Variants in MAPK10 observed in about 807,000 individuals in gnomAD.
MAPK10 encodes mitogen-activated protein kinase 10.
A neutral mutation model predicts 59.3 loss-of-function variants in MAPK10; 25 were observed. The observed-to-expected ratio is 0.42, with a 90% CI of 0.31 to 0.59. The LOEUF (loss-of-function observed/expected upper bound fraction) is 0.59. Among genes scored for constraint, MAPK10 ranks in the 20% least tolerant of loss-of-function variants. The pLI is 0.15. For missense variants in MAPK10, 351 were observed against 568.9 expected, an observed-to-expected ratio of 0.62 and a Z score of 3.90; for synonymous variants, 190 against 200.5, an observed-to-expected ratio of 0.95 and a Z score of 0.44.
At chr4:86,575,175 A>G (rs1304322523) in intron 1 of MAPK10, among the ~76,000 whole-genome samples, 6 of 152,158 alleles carry the variant, frequency 3.9e-5, no homozygotes, top group Non-Finnish European at 8.8e-5. Context: ...CCCTTAGACT[A>G]AGATTCGCAC....
intron 11 of MAPK10, among the ~76,000 whole-genome samples, chr4:86,058,903 C>G (rs188781695): frequency 6.6e-6 from 1 of 152,136 alleles, no homozygotes; most frequent in Non-Finnish European, 1.5e-5. Flanking sequence ...TTCTTCTGAT[C>G]CCATCTAGCT....
intron 1 of MAPK10, among the ~76,000 whole-genome samples, chr4:86,566,523 G>A (rs1761068649): frequency 6.6e-6 from 1 of 152,104 alleles, no homozygotes; most frequent in Non-Finnish European, 1.5e-5. Context: ...AGACCAGCCT[G>A]GCCAACATGG....
In MAPK10 at chr4:86,248,577, G is replaced by T. The variant is rs374322743; in HGVS notation, c.-6-54170C>A. Among the ~76,000 whole-genome samples the T allele has an allele frequency of 2.3e-4, 35 of 152,246 alleles. No individual in the cohort carries two copies. The Middle Eastern group carries it at 0.01, about 44-fold the overall frequency. ...TCTCAAATGGCTACAGCCAGAAAAG[G>T]TTTTTTATGATACCACAAGGAAGTT... On this transcript the variant is annotated intron_variant, in intron 2 of 13. Coordinates refer to ENST00000641462, the MANE Select transcript of MAPK10 (RefSeq NM_138982.4).
At chr4:86,496,260 G>C (rs1486451958) in intron 1 of MAPK10, among the ~76,000 whole-genome samples, 1 of 152,068 alleles carries the variant, frequency 6.6e-6, no homozygotes, top group Non-Finnish European at 1.5e-5. Context: ...TTTGTGCCCC[G>C]GGTTTTGGTT....
At chr4:86,249,299 T>G (rs1397574106) in intron 2 of MAPK10, among the ~76,000 whole-genome samples, 1 of 152,198 alleles carries the variant, frequency 6.6e-6, no homozygotes, top group African/African-American at 2.4e-5. Context: ...GTTTAGTGGC[T>G]CAGTTATGTA....
chr4:86,583,500 T>C (rs906154390), intron 1 of MAPK10, among the ~76,000 whole-genome samples: 1 of 152,178 alleles, frequency 6.6e-6, no homozygotes, highest in Non-Finnish European at 1.5e-5. Flanking sequence ...TCAGTTTTTC[T>C]ACATTAAAAA....
chr4:86,426,295 T>C (rs1212929427), intron 1 of MAPK10, among the ~76,000 whole-genome samples: 1 of 152,226 alleles, frequency 6.6e-6, no homozygotes, highest in African/African-American at 2.4e-5. Flanking sequence ...CCACTATGGA[T>C]TGGATGCTTA....
chr4:86,487,387 A>T (rs1459147668), intron 1 of MAPK10, among the ~76,000 whole-genome samples: 1 of 78,560 alleles, frequency 1.3e-5, no homozygotes, highest in Non-Finnish European at 3.1e-5. Flanking sequence ...GTGTGTGTAG[A>T]GAGAGAAAGA....
chr4:86,217,151 A>C (rs1260993210), intron 2 of MAPK10, among the ~76,000 whole-genome samples: 1 of 152,154 alleles, frequency 6.6e-6, no homozygotes, highest in Non-Finnish European at 1.5e-5. Context: ...TCTCACCAAA[A>C]TTTGGCCAGC....
rs1373351518 is a variant in MAPK10 at position 86,252,225 on chromosome 4, T to C, written c.-6-57818A>G. ...GCTTTGGTTGCCATTGCTTTTGGTGTTTTGGACATGAAGTCCTTGCCCACG... is the reference window on the plus strand; with the variant it reads ...GCTTTGGTTGCCATTGCTTTTGGTGCTTTGGACATGAAGTCCTTGCCCACG... On this transcript the variant is annotated intron_variant, in intron 2 of 13. Coordinates refer to ENST00000641462, the MANE Select transcript of MAPK10 (RefSeq NM_138982.4). Among the ~76,000 whole-genome samples the C allele has an allele frequency of 2.4e-5, 3 of 126,844 alleles. No individual in the cohort carries two copies. In the South Asian group the frequency reaches 6.9e-4, roughly 29 times the overall value. The allele number at this position is 126,844 out of a possible 152,430, so 83.2% of individuals were successfully genotyped here.
intron 2 of MAPK10, among the ~76,000 whole-genome samples, chr4:86,329,798 C>T (rs1435057220): frequency 2.0e-5 from 3 of 151,928 alleles, no homozygotes; most frequent in Non-Finnish European, 4.4e-5. Context: ...GTCAATATAG[C>T]ACTTTTTGGG....
intron 9 of MAPK10, among the ~76,000 whole-genome samples, chr4:86,098,140 T>C (rs2054588384): frequency 6.6e-6 from 1 of 152,184 alleles, no homozygotes; most frequent in Middle Eastern, 3.2e-3. Flanking sequence ...CTAAATATTG[T>C]AGAAGCACAA....
chr4:86,358,876 G>A (rs1240217774), intron 1 of MAPK10: 1 of 151,804 alleles, frequency 6.6e-6, no homozygotes, highest in African/African-American at 2.4e-5. Flanking sequence ...AGAATACCTG[G>A]GAATCTTGCC....
intron 13 of MAPK10, chr4:86,026,746 A>G (rs1290900763): frequency 1.3e-5 from 2 of 152,294 alleles, no homozygotes; most frequent in Admixed American, 6.5e-5. Context: ...AACATTAATG[A>G]AAAAAAGCTG....
intron 3 of MAPK10, among the ~76,000 whole-genome samples, chr4:86,165,584 A>G: frequency 1.8e-5 from 1 of 54,610 alleles, no homozygotes; most frequent in African/African-American, 5.5e-5. Flanking sequence ...TTTTTTTTTT[A>G]GAGATGAGGT....
At chr4:86,134,654 C>T (rs1186132954) in intron 4 of MAPK10, among the ~76,000 whole-genome samples, 1 of 152,104 alleles carries the variant, frequency 6.6e-6, no homozygotes, top group African/African-American at 2.4e-5. Flanking sequence ...CTTTGTCATT[C>T]AAATTAAAGT....
chr4:86,149,065 G>A (rs908840898), intron 4 of MAPK10, among the ~76,000 whole-genome samples: 3 of 152,148 alleles, frequency 2.0e-5, no homozygotes, highest in Admixed American at 2.0e-4. Flanking sequence ...CATGACATAT[G>A]TGCTAGATTC....
At chr4:86,305,487 C>T (rs1042410085) in intron 2 of MAPK10, among the ~76,000 whole-genome samples, 8 of 151,940 alleles carry the variant, frequency 5.3e-5, no homozygotes, top group African/African-American at 1.9e-4. Context: ...TATAGTGGTA[C>T]GGCAGAAGAG....
intron 1 of MAPK10, among the ~76,000 whole-genome samples, chr4:86,547,921 G>A (rs779635097): frequency 3.3e-5 from 5 of 152,078 alleles, no homozygotes; most frequent in Admixed American, 6.5e-5. Flanking sequence ...GATTGTAAAC[G>A]CACCAATCAG....
Sources: allele counts gnomAD v4.1 joint callset (sites outside exome capture counted in the v4.1 genomes callset), GRCh38; gene constraint gnomAD v4.1.1; transcripts MANE v1.5; gene names NCBI Gene and HGNC (gene_info 2026-07-23, HGNC 2026-07-21).